Variants in SLC35F1 observed in about 807,000 individuals in gnomAD.
The protein encoded by SLC35F1 is solute carrier family 35 member F1, also known as chromosome 6 open reading frame 169.
In SLC35F1, 14 loss-of-function variants were observed where a neutral mutation model predicts 48.7. The ratio of observed to expected loss-of-function variants is 0.29; its 90% CI spans 0.19 to 0.45. SLC35F1 has a LOEUF of 0.45. Among genes scored for constraint, SLC35F1 ranks in the 20% least tolerant of loss-of-function variants. The pLI is 1.00. For synonymous variants in SLC35F1, 190 were observed against 202.2 expected (o/e 0.94, Z 0.51); for missense variants, 404 against 500.0 (o/e 0.81, Z 1.83).
chr6:118,154,363 A>G, intron 1 of SLC35F1, 82 bp from the exon 2 acceptor site: 1 of 1,199,110 alleles, frequency 8.3e-7, no homozygotes, highest in Non-Finnish European at 1.2e-6. Flanking sequence ...GCATGCTACC[A>G]GTGCTCAAAA....
intron 2 of SLC35F1, among the ~76,000 whole-genome samples, chr6:118,175,280 C>T (rs1774471546): frequency 6.6e-6 from 1 of 152,142 alleles, no homozygotes; most frequent in Non-Finnish European, 1.5e-5. Context: ...ACAAGCTCCA[C>T]TTTCCTTGAT....
chr6:117,962,136 C>T (rs187770169), intron 1 of SLC35F1, among the ~76,000 whole-genome samples: 3 of 152,276 alleles, frequency 2.0e-5, no homozygotes, highest in Admixed American at 2.0e-4. Context: ...CAATGTATAA[C>T]ATTGCTTTAG....
At chr6:117,942,258 A>G (rs955724833) in intron 1 of SLC35F1, among the ~76,000 whole-genome samples, 2 of 152,118 alleles carry the variant, frequency 1.3e-5, no homozygotes, top group East Asian at 1.9e-4. Context: ...ACCTAATTCT[A>G]TTGTTGTTAC....
At chr6:118,106,135 A>T (rs2114373845) in intron 1 of SLC35F1, among the ~76,000 whole-genome samples, 1 of 152,230 alleles carries the variant, frequency 6.6e-6, no homozygotes, top group Admixed American at 6.5e-5. Context: ...AAAACCTATG[A>T]CTGGTACCTG....
chr6:118,182,056 C>G (rs1366863892), intron 2 of SLC35F1, among the ~76,000 whole-genome samples: 1 of 152,108 alleles, frequency 6.6e-6, no homozygotes, highest in African/African-American at 2.4e-5. Context: ...ATGATACTTT[C>G]TGTTATGTCT....
At chr6:118,081,102 C>G (rs73525692) in intron 1 of SLC35F1, among the ~76,000 whole-genome samples, 2,250 of 152,220 alleles carry the variant, frequency 0.015, 60 homozygotes, top group African/African-American at 0.052. Flanking sequence ...TAAATCTTCC[C>G]TTTAATCCTC....
At chr6:117,940,645 C>CTT (rs888354437) in intron 1 of SLC35F1, among the ~76,000 whole-genome samples, 1 of 150,918 alleles carries the variant, frequency 6.6e-6, no homozygotes, top group Non-Finnish European at 1.5e-5. Flanking sequence ...TTTCTCCTTT[C>CTT]TTTTTTTTTG....
chr6:118,093,661 G>T (rs4412242), intron 1 of SLC35F1, among the ~76,000 whole-genome samples: 2 of 152,284 alleles, frequency 1.3e-5, no homozygotes, highest in Admixed American at 6.5e-5. Flanking sequence ...GTCCATTAAA[G>T]CCCTTTTTCT....
In SLC35F1 at chr6:118,159,768, T is replaced by G. The variant is rs1774201293; in HGVS notation, c.349+5148T>G. Among the ~76,000 whole-genome samples the G allele has an allele frequency of 2.6e-5, 4 of 152,314 alleles. No individual in the cohort carries two copies. The South Asian group carries it at 8.3e-4, about 32-fold the overall frequency. On this transcript the variant is annotated intron_variant, in intron 2 of 7. Transcript: ENST00000360388. ...GGATACAGTTCCTATCAAGAAAACA[T>G]GTATCATCTAACTTTTTGCCCATAA...
intron 7 of SLC35F1, among the ~76,000 whole-genome samples, chr6:118,294,318 T>A (rs1776158278): frequency 6.6e-6 from 1 of 152,212 alleles, no homozygotes; most frequent in Non-Finnish European, 1.5e-5. Context: ...CTTTATTGCT[T>A]ACCATAGAAT....
At chr6:118,170,603 C>A (rs780266522) in intron 2 of SLC35F1, among the ~76,000 whole-genome samples, 3 of 151,978 alleles carry the variant, frequency 2.0e-5, no homozygotes, top group Non-Finnish European at 4.4e-5. Flanking sequence ...CCATGCCCAG[C>A]TAATTTTTGT....
chr6:118,023,175 A>T (rs1485214267), intron 1 of SLC35F1, among the ~76,000 whole-genome samples: 1 of 152,158 alleles, frequency 6.6e-6, no homozygotes, highest in Non-Finnish European at 1.5e-5. Flanking sequence ...TAAGGATAAG[A>T]AGTTTAGGTG....
intron 1 of SLC35F1, among the ~76,000 whole-genome samples, chr6:117,985,709 T>C (rs1359769102): frequency 6.6e-6 from 1 of 152,256 alleles, no homozygotes; most frequent in Non-Finnish European, 1.5e-5. Context: ...CATTTCTTTT[T>C]GACTAGCAAG....
At position 117,999,119 on chromosome 6, in the gene SLC35F1, C is replaced by T. The variant is rs967545530; in HGVS notation, c.173+91220C>T. 3.2e-6 allele frequency: 5 copies of T among 1,586,452 alleles called. No individual in the cohort carries two copies. The African/African-American group carries it at 6.7e-5, about 21-fold the overall frequency. On this transcript the variant is annotated intron_variant, in intron 1 of 7. Coordinates refer to ENST00000360388, the MANE Select transcript of SLC35F1 (RefSeq NM_001029858.4). ...GAGGAACATGCGCTTTGCCAAGAAG[C>T]ACAACAAAAAGGGCCTAAAGAAGAT...
chr6:117,963,316 A>G (rs1776520653), intron 1 of SLC35F1, among the ~76,000 whole-genome samples: 1 of 151,284 alleles, frequency 6.6e-6, no homozygotes, highest in African/African-American at 2.4e-5. Context: ...AATAGTAAAT[A>G]CTTAGTGATT....
chr6:118,305,857 C>T (rs541514280), intron 7 of SLC35F1, among the ~76,000 whole-genome samples: 1 of 152,252 alleles, frequency 6.6e-6, no homozygotes, highest in South Asian at 2.1e-4. Context: ...TATGTTCTTC[C>T]ACTGTGGTTT....
rs117466808 is a variant in SLC35F1, at chr6:118,089,442, G to A, written c.174-65003G>A. ...AGCATCTATGAGCCTTTTGCTAAAG[G>A]AATTAGATACTCATTACTTCCAAAG... On this transcript the variant is annotated intron_variant, in intron 1 of 7. Coordinates refer to ENST00000360388, the MANE Select transcript of SLC35F1 (RefSeq NM_001029858.4). 9.2e-3 allele frequency among the ~76,000 whole-genome samples: 1,404 copies of A among 152,214 alleles called. 8 individuals are homozygous for A. The highest frequency in any genetic ancestry group is 0.013 in the Non-Finnish European group (914 of 68,016).
At chr6:117,978,467 A>G (rs1047104191) in intron 1 of SLC35F1, among the ~76,000 whole-genome samples, 1 of 151,976 alleles carries the variant, frequency 6.6e-6, no homozygotes, top group African/African-American at 2.4e-5. Flanking sequence ...CCTTCCTTAC[A>G]TCTTCATCAT....
intron 1 of SLC35F1, among the ~76,000 whole-genome samples, chr6:118,023,216 TAA>T (rs752622021): frequency 1.2e-4 from 19 of 152,136 alleles, no homozygotes; most frequent in Non-Finnish European, 2.5e-4. Context: ...TAAGGTATCT[TAA>T]AAGTCAGTGA....
Sources: allele counts gnomAD v4.1 joint callset (sites outside exome capture counted in the v4.1 genomes callset), GRCh38; gene constraint gnomAD v4.1.1; transcripts MANE v1.5; gene names NCBI Gene and HGNC (gene_info 2026-07-23, HGNC 2026-07-21).